VAPA: variants seen among roughly 807,000 people sequenced by gnomAD.
VAPA encodes the protein VAMP associated protein A.
VAPA carries 6 observed loss-of-function variants against 25.6 expected under a neutral mutation model. That is an observed-to-expected ratio of 0.23 (90% confidence interval 0.13 to 0.46). VAPA has a LOEUF of 0.46. Ranked by LOEUF, VAPA falls within the 20% of genes least tolerant of loss-of-function variation. The probability of loss-of-function intolerance (pLI) is 0.99; values close to 1 mark genes in which losing one functional copy is unlikely to be tolerated. For synonymous variants in VAPA, 112 were observed against 106.2 expected (o/e 1.05, Z -0.34); for missense variants, 244 against 302.1 (o/e 0.81, Z 1.43).
chr18:9,933,923 C>T (rs1041860665), intron 2 of VAPA, among the ~76,000 whole-genome samples: 1 of 152,188 alleles, frequency 6.6e-6, no homozygotes, highest in African/African-American at 2.4e-5. Context: ...TACAACTATG[C>T]AGAATGACTT....
chr18:9,945,127 A>G (rs2069408702), intron 4 of VAPA: 1 of 1,536,700 alleles, frequency 6.5e-7, no homozygotes, highest in Admixed American at 1.7e-5. Flanking sequence ...GTAGATACCT[A>G]GCAGATAAGT....
rs537575397 is a variant in VAPA at position 9,957,963 on chromosome 18, G to A, written c.*3752G>A. On this transcript the variant is annotated 3_prime_UTR_variant, in exon 6 of 6. Transcript: ENST00000400000. Reference sequence around the variant, plus strand: ...GCATCTTGGGAATGAATGCCCAGCCGCTCGTGGGTTGGTGCAAAGAAGTAT... The same window carrying A: ...GCATCTTGGGAATGAATGCCCAGCCACTCGTGGGTTGGTGCAAAGAAGTAT... 10 of 152,326 alleles carry A rather than the reference G, an allele frequency of 6.6e-5. No individual in the cohort carries two copies. Among genetic ancestry groups the A allele is most frequent in the African/African-American group, 1.4e-4 (6 of 41,574 alleles). 9.4% of individuals were successfully genotyped at this position (152,326 alleles called of 1,614,324 possible).
chr18:9,934,081 GT>G (rs1416608741), intron 2 of VAPA, among the ~76,000 whole-genome samples: 2 of 152,178 alleles, frequency 1.3e-5, no homozygotes, highest in Non-Finnish European at 2.9e-5. Flanking sequence ...CCCTTGGATT[GT>G]TCTACTTAAT....
rs1445811596 is a variant in VAPA, at chr18:9,959,702, T to G, written c.*5491T>G. The stretch of plus-strand genomic sequence containing the variant: ...CAATGTGTGTGTGTGAGAGAGAGAG[T>G]GAGTTACTGACATTGTTCCAAAAAA... On this transcript the variant is annotated 3_prime_UTR_variant, in exon 6 of 6. Transcript: ENST00000400000. The G allele has an allele frequency of 8.5e-6, 1 of 117,960 alleles. No homozygotes were observed. The highest frequency in any genetic ancestry group is 3.4e-5 in the African/African-American group (1 of 29,494). The allele number at this position is 117,960 out of a possible 1,614,324, so 7.3% of individuals were successfully genotyped here. A position where few individuals can be genotyped will look rare whatever the true frequency, so the allele number is the denominator to read the frequency against.
chr18:9,918,857 C>T (rs2069134074), intron 1 of VAPA, among the ~76,000 whole-genome samples: 3 of 152,144 alleles, frequency 2.0e-5, no homozygotes, highest in Admixed American at 2.0e-4. Flanking sequence ...CTCAAAATAT[C>T]TCAAAATTTT....
chr18:9,914,654 T>G (rs2069095815), intron 1 of VAPA: 1 of 150,358 alleles, frequency 6.7e-6, no homozygotes, highest in African/African-American at 2.4e-5. Context: ...GGGCGTCCGG[T>G]CCCGCCCGCG....
chr18:9,950,655 T>A, intron 5 of VAPA, 87 bp downstream of exon 5: 1 of 1,452,306 alleles, frequency 6.9e-7, no homozygotes, highest in Non-Finnish European at 9.2e-7. Flanking sequence ...AATTAGCTTT[T>A]AAATTTTTGC....
intron 4 of VAPA, among the ~76,000 whole-genome samples, chr18:9,938,554 C>T (rs1188963130): frequency 6.6e-6 from 1 of 152,186 alleles, no homozygotes; most frequent in African/African-American, 2.4e-5. Flanking sequence ...GAATGGAGTT[C>T]CCAGAATCCC....
At chr18:9,936,083 A>G (rs2069306977) in intron 2 of VAPA, 27 bp from the exon 3 acceptor site, 9 of 1,508,034 alleles carry the variant, frequency 6.0e-6, no homozygotes, top group African/African-American at 1.4e-5. Flanking sequence ...AGGAGACAAT[A>G]TAATATATCC....
Position 9,954,556 on chromosome 18 carries a change from C to T in VAPA, c.*345C>T, listed in dbSNP as rs1313214245. The T allele has an allele frequency of 2.2e-5, 4 of 179,084 alleles. No individual in the cohort carries two copies. The highest frequency in any genetic ancestry group is 4.6e-5 in the Non-Finnish European group (4 of 86,638). The allele number at this position is 179,084 out of a possible 1,614,324, so 11.1% of individuals were successfully genotyped here. On this transcript the variant is annotated 3_prime_UTR_variant, in exon 6 of 6. Coordinates refer to ENST00000400000, the MANE Select transcript of VAPA (RefSeq NM_194434.3). Reference sequence around the variant, plus strand: ...CTTGTAAATGTTATTTTAATAATCCCTTTAAATTTTATCTGTTGCTGTTAC... The same window carrying T: ...CTTGTAAATGTTATTTTAATAATCCTTTTAAATTTTATCTGTTGCTGTTAC...
At chr18:9,933,446 A>C (rs1483416359) in intron 2 of VAPA, among the ~76,000 whole-genome samples, 3 of 152,202 alleles carry the variant, frequency 2.0e-5, no homozygotes, top group Non-Finnish European at 4.4e-5. Context: ...CCTGGGAAAG[A>C]GAGATGGGAA....
chr18:9,936,280 G>T (rs936849271), intron 3 of VAPA, 67 bp downstream of exon 3: 3 of 1,012,198 alleles, frequency 3.0e-6, no homozygotes, highest in Non-Finnish European at 4.1e-6. Flanking sequence ...TTAGCAGTCA[G>T]TAGAAAAACT....
intron 1 of VAPA, chr18:9,924,095 A>G (rs1231792403): frequency 6.6e-6 from 1 of 152,070 alleles, no homozygotes; most frequent in Non-Finnish European, 1.5e-5. Flanking sequence ...GTATAATTAT[A>G]TATTTGTATT....
intron 4 of VAPA, among the ~76,000 whole-genome samples, chr18:9,942,885 A>G (rs2069380537): frequency 6.6e-6 from 1 of 152,184 alleles, no homozygotes; most frequent in African/African-American, 2.4e-5. Flanking sequence ...CCAACACTGG[A>G]GATTACAATT....
chr18:9,914,454 C>T, intron 1 of VAPA, 119 bp downstream of exon 1: 2 of 837,496 alleles, frequency 2.4e-6, no homozygotes, highest in Middle Eastern at 3.8e-4. Flanking sequence ...CTCCCCCACG[C>T]CCCGGCGCCT....
intron 5 of VAPA, among the ~76,000 whole-genome samples, chr18:9,953,473 CTG>C (rs1324125239): frequency 6.6e-6 from 1 of 152,240 alleles, no homozygotes; most frequent in African/African-American, 2.4e-5. Flanking sequence ...TCACGCTAAA[CTG>C]TTTCCTTCCC....
rs558335851 is a variant in VAPA at position 9,925,745 on chromosome 18, T to G, written c.80-6065T>G. 1.1e-4 allele frequency among the ~76,000 whole-genome samples: 16 copies of G among 152,222 alleles called. No individual in the cohort carries two copies. In the South Asian group the frequency reaches 1.2e-3, roughly 12 times the overall value. On this transcript the variant is annotated intron_variant, in intron 1 of 5. Transcript: ENST00000400000. ...TCTTGGATGTAAAAATGTAAAATAT[T>G]TTTTGAGTGCTTGATACTTATTTCA... is the stretch of plus-strand genomic sequence containing the variant.
intron 2 of VAPA, among the ~76,000 whole-genome samples, chr18:9,935,406 C>G (rs2069299093): frequency 6.6e-6 from 1 of 151,966 alleles, no homozygotes; most frequent in African/African-American, 2.4e-5. Flanking sequence ...AACCCTTTCT[C>G]TACAAAAAAA....
At chr18:9,947,386 TA>T (rs1335940005) in intron 4 of VAPA, among the ~76,000 whole-genome samples, 3 of 152,158 alleles carry the variant, frequency 2.0e-5, no homozygotes, top group Admixed American at 6.5e-5. Context: ...CCTCACTAGG[TA>T]ATAGGAATTT....
Sources: allele counts gnomAD v4.1 joint callset (sites outside exome capture counted in the v4.1 genomes callset), GRCh38; gene constraint gnomAD v4.1.1; transcripts MANE v1.5; gene names NCBI Gene and HGNC (gene_info 2026-07-23, HGNC 2026-07-21).